The following GRK3 variants were observed in gnomAD, a reference collection of about 807,000 sequenced individuals.
GRK3 encodes adrenergic, beta, receptor kinase 2.
GRK3 carries 54 observed loss-of-function variants against 95.7 expected under a neutral mutation model. That is an observed-to-expected ratio of 0.56 (90% confidence interval 0.45 to 0.71). GRK3 has a LOEUF of 0.71. Among genes scored for constraint, GRK3 ranks in the 30% least tolerant of loss-of-function variants. The probability of loss-of-function intolerance (pLI) is 0.00; values close to 1 mark genes in which losing one functional copy is unlikely to be tolerated. For synonymous variants in GRK3, 281 were observed against 290.8 expected (o/e 0.97, Z 0.34); for missense variants, 649 against 851.2 (o/e 0.76, Z 2.96).
intron 8 of GRK3, among the ~76,000 whole-genome samples, chr22:25,678,055 A>G (rs1479504437): frequency 6.6e-6 from 1 of 152,236 alleles, no homozygotes; most frequent in African/African-American, 2.4e-5. Context: ...AAATAAATCA[A>G]TAAAATAGCA....
chr22:25,693,576 T>G (rs1168312045), intron 12 of GRK3, among the ~76,000 whole-genome samples: 1 of 152,098 alleles, frequency 6.6e-6, no homozygotes, highest in African/African-American at 2.4e-5. Context: ...AAACTTTAGG[T>G]TCGGGCTGAT....
chr22:25,584,561 G>T (rs1932225742), intron 1 of GRK3, among the ~76,000 whole-genome samples: 1 of 152,274 alleles, frequency 6.6e-6, no homozygotes, highest in Admixed American at 6.5e-5. Context: ...TAAGAGAACA[G>T]AATAAATCAT....
chr22:25,690,366 T>G, intron 12 of GRK3, 83 bp downstream of exon 12: 1 of 980,670 alleles, frequency 1.0e-6, no homozygotes. Flanking sequence ...CCATTTCTCT[T>G]ACCAGTGGTG....
intron 13 of GRK3, chr22:25,702,840 A>G (rs1206161740): frequency 2.2e-6 from 1 of 456,090 alleles, no homozygotes; most frequent in Non-Finnish European, 4.4e-6. Context: ...CCCGCTTTAC[A>G]GATGAAGAAT....
intron 7 of GRK3, among the ~76,000 whole-genome samples, chr22:25,673,008 A>AT (rs3884806): frequency 0.15 from 16,439 of 110,334 alleles, 1,813 homozygotes; most frequent in African/African-American, 0.32. Flanking sequence ...ATCAACCGGA[A>AT]TTTTTTTTTT....
At chr22:25,712,735 T>C (rs1016932925) in intron 17 of GRK3, among the ~76,000 whole-genome samples, 12 of 152,328 alleles carry the variant, frequency 7.9e-5, no homozygotes, top group African/African-American at 2.9e-4. Context: ...ATAAATGAGG[T>C]GGCCTGCTGA....
intron 2 of GRK3, among the ~76,000 whole-genome samples, chr22:25,630,342 G>A (rs551169219): frequency 2.6e-5 from 4 of 152,020 alleles, no homozygotes; most frequent in African/African-American, 4.8e-5. Context: ...AATGTAAGTC[G>A]TATGGCTTAT....
At chr22:25,636,760 T>C (rs1230213229) in intron 2 of GRK3, among the ~76,000 whole-genome samples, 1 of 152,226 alleles carries the variant, frequency 6.6e-6, no homozygotes, top group East Asian at 1.9e-4. Context: ...TTAAAAACCA[T>C]AGATCAGTTT....
intron 2 of GRK3, among the ~76,000 whole-genome samples, chr22:25,616,424 G>A (rs936791136): frequency 1.3e-5 from 2 of 151,758 alleles, no homozygotes; most frequent in African/African-American, 4.8e-5. Flanking sequence ...GAGAGGCGAG[G>A]TGCCACACGC....
chr22:25,677,414 A>G (rs1406565026), intron 8 of GRK3, among the ~76,000 whole-genome samples: 1 of 147,434 alleles, frequency 6.8e-6, no homozygotes, highest in East Asian at 1.9e-4. Flanking sequence ...AAAGGAAAAA[A>G]AAAGAAAAGA....
intron 2 of GRK3, among the ~76,000 whole-genome samples, chr22:25,617,032 A>G (rs1987289): frequency 0.1 from 15,360 of 152,076 alleles, 2,486 homozygotes; most frequent in African/African-American, 0.35. Context: ...CAGGAGTGAA[A>G]TCCCAGCTGG....
At chr22:25,642,084 C>G (rs764991449) in intron 2 of GRK3, among the ~76,000 whole-genome samples, 1 of 152,100 alleles carries the variant, frequency 6.6e-6, no homozygotes. Context: ...AAAAGATGAA[C>G]AAATCTACAA....
chr22:25,720,111 C>T (rs1019964587), intron 19 of GRK3, among the ~76,000 whole-genome samples: 4 of 151,856 alleles, frequency 2.6e-5, no homozygotes, highest in Non-Finnish European at 4.4e-5. Context: ...AGGTAATGAG[C>T]GGACCTGGGC....
chr22:25,705,074 A>T (rs766319518), intron 15 of GRK3, among the ~76,000 whole-genome samples: 1 of 152,234 alleles, frequency 6.6e-6, no homozygotes, highest in Non-Finnish European at 1.5e-5. Context: ...TGTGCATATT[A>T]TACATATAAG....
chr22:25,705,608 G>T (rs894707801), intron 15 of GRK3, among the ~76,000 whole-genome samples: 9 of 151,888 alleles, frequency 5.9e-5, no homozygotes, highest in African/African-American at 1.7e-4. Context: ...TATATAGTAT[G>T]ATCTCTCTCT....
chr22:25,581,151 T>C (rs114452075), intron 1 of GRK3: 2,664 of 150,590 alleles, frequency 0.018, 80 homozygotes, highest in African/African-American at 0.061. Context: ...AAATGGAGGG[T>C]GGGGTAGGGA....
chr22:25,662,352 A>G (rs1288478630), intron 4 of GRK3, among the ~76,000 whole-genome samples: 1 of 152,250 alleles, frequency 6.6e-6, no homozygotes, highest in Non-Finnish European at 1.5e-5. Flanking sequence ...CTTTAAATTA[A>G]CTAAAGTCAA....
chr22:25,678,713 C>T, intron 8 of GRK3, 103 bp from the exon 9 acceptor site: 2 of 575,774 alleles, frequency 3.5e-6, no homozygotes, highest in Non-Finnish European at 3.0e-6. Flanking sequence ...TTCTTTTAAA[C>T]ATGGCCTAAA....
chr22:25,594,456 A>G (rs1193858515), intron 1 of GRK3, among the ~76,000 whole-genome samples: 1 of 152,186 alleles, frequency 6.6e-6, no homozygotes. Context: ...ATCCTCAACA[A>G]AATACTAGCA....
Sources: allele counts gnomAD v4.1 joint callset (sites outside exome capture counted in the v4.1 genomes callset), GRCh38; gene constraint gnomAD v4.1.1; transcripts MANE v1.5; gene names NCBI Gene and HGNC (gene_info 2026-07-23, HGNC 2026-07-21).